The following LYPD6 variants were observed in gnomAD, a reference collection of about 807,000 sequenced individuals.
LYPD6 encodes LY6/PLAUR domain containing 6, also known as ly6/PLAUR domain-containing protein 6.
A neutral mutation model predicts 22.7 loss-of-function variants in LYPD6; 15 were observed. The ratio of observed to expected loss-of-function variants is 0.66; its 90% CI spans 0.44 to 1.02. LYPD6 has a LOEUF of 1.02. Ranked by LOEUF, LYPD6 falls within the 50% of genes least tolerant of loss-of-function variation. The probability of loss-of-function intolerance (pLI) is 0.00; values close to 1 mark genes in which losing one functional copy is unlikely to be tolerated. For missense variants in LYPD6, 189 were observed against 208.4 expected (o/e 0.91, Z 0.57); for synonymous variants, 72 against 77.5 (o/e 0.93, Z 0.37).
intron 1 of LYPD6, among the ~76,000 whole-genome samples, chr2:149,340,509 A>G (rs2377381): frequency 0.28 from 42,765 of 151,958 alleles, 6,662 homozygotes; most frequent in East Asian, 0.61. Context: ...GCTCTCCTGT[A>G]GTGTAATTCT....
intron 3 of LYPD6, among the ~76,000 whole-genome samples, chr2:149,465,215 G>A (rs1298640898): frequency 6.6e-6 from 1 of 152,132 alleles, no homozygotes; most frequent in African/African-American, 2.4e-5. Context: ...TGAAGTCTAG[G>A]ATGGAGAGTC....
chr2:149,447,940 T>C (rs1683723925), intron 2 of LYPD6, among the ~76,000 whole-genome samples: 1 of 152,006 alleles, frequency 6.6e-6, no homozygotes, highest in Admixed American at 6.6e-5. Flanking sequence ...GTTTGAGAAA[T>C]AATACAGTGA....
chr2:149,420,236 A>G (rs545403929), intron 1 of LYPD6, among the ~76,000 whole-genome samples: 2 of 152,240 alleles, frequency 1.3e-5, no homozygotes, highest in East Asian at 1.9e-4. Flanking sequence ...AAACGAGGAC[A>G]TTGAACTGCA....
chr2:149,446,178 C>A (rs997864296), intron 2 of LYPD6, among the ~76,000 whole-genome samples: 4 of 152,172 alleles, frequency 2.6e-5, no homozygotes, highest in African/African-American at 7.2e-5. Context: ...TATGTGGGTG[C>A]AGTTTGTGGT....
intron 1 of LYPD6, among the ~76,000 whole-genome samples, chr2:149,343,601 G>A (rs1036216670): frequency 2.0e-5 from 3 of 152,178 alleles, no homozygotes; most frequent in Non-Finnish European, 2.9e-5. Flanking sequence ...AGTGAAAGCT[G>A]GGGGAATATG....
At chr2:149,360,822 A>G (rs141844130) in intron 1 of LYPD6, among the ~76,000 whole-genome samples, 21 of 151,690 alleles carry the variant, frequency 1.4e-4, no homozygotes, top group Admixed American at 1.1e-3. Context: ...CCTTTTCAAC[A>G]TTTTCTTCTG....
At chr2:149,344,751 G>A (rs971152891) in intron 1 of LYPD6, among the ~76,000 whole-genome samples, 3 of 152,160 alleles carry the variant, frequency 2.0e-5, no homozygotes, top group African/African-American at 7.2e-5. Context: ...GAGTGGGTGC[G>A]GGAGTGGAGG....
the LYPD6 span, among the ~76,000 whole-genome samples, chr2:149,479,790 A>C: frequency 6.6e-6 from 1 of 151,890 alleles, no homozygotes; most frequent in Non-Finnish European, 1.5e-5. Flanking sequence ...ATTTCAATCC[A>C]TTTTTCATAG....
chr2:149,450,029 G>A (rs1683772953), intron 3 of LYPD6, among the ~76,000 whole-genome samples: 1 of 152,072 alleles, frequency 6.6e-6, no homozygotes, highest in African/African-American at 2.4e-5. Flanking sequence ...TTGGAAATTG[G>A]GAGAGCATGG....
At chr2:149,340,728 A>G (rs1294130441) in intron 1 of LYPD6, among the ~76,000 whole-genome samples, 1 of 152,192 alleles carries the variant, frequency 6.6e-6, no homozygotes, top group African/African-American at 2.4e-5. Context: ...AAAATTACCC[A>G]TTAATGCTGA....
intron 1 of LYPD6, among the ~76,000 whole-genome samples, chr2:149,403,145 G>C (rs546331743): frequency 7.2e-5 from 11 of 152,110 alleles, no homozygotes; most frequent in South Asian, 2.1e-4. Context: ...GGACATTTGG[G>C]TTGGTTCCAA....
chr2:149,416,346 G>A (rs971524157), intron 1 of LYPD6, among the ~76,000 whole-genome samples: 7 of 152,158 alleles, frequency 4.6e-5, no homozygotes, highest in Non-Finnish European at 7.4e-5. Context: ...CCCTTCAGAG[G>A]CTGGGATTGC....
Position 149,472,544 on chromosome 2 carries a change from T to C in LYPD6, c.*1694T>C, listed in dbSNP as rs151152182. On this transcript the variant is annotated 3_prime_UTR_variant, in exon 5 of 5. Transcript: ENST00000334166. The stretch of plus-strand genomic sequence containing the variant: ...TATGAACTGACAGCAGTAACTCTGA[T>C]ACAGAATAATCTAAATTGCATCAAA... 1.3e-5 allele frequency: 2 copies of C among 152,778 alleles called. No homozygotes were observed. Among genetic ancestry groups the C allele is most frequent in the East Asian group, 1.9e-4 (1 of 5,190 alleles). The allele number at this position is 152,778 out of a possible 1,614,324, so 9.5% of individuals were successfully genotyped here.
At chr2:149,400,754 G>T (rs1352656489) in intron 1 of LYPD6, among the ~76,000 whole-genome samples, 1 of 152,188 alleles carries the variant, frequency 6.6e-6, no homozygotes, top group African/African-American at 2.4e-5. Flanking sequence ...TCTAAAACTT[G>T]GGGCCTTCTC....
chr2:149,355,108 CT>C (rs1163207149), intron 1 of LYPD6, among the ~76,000 whole-genome samples: 1 of 152,134 alleles, frequency 6.6e-6, no homozygotes, highest in East Asian at 1.9e-4. Context: ...ATGGCTTAAT[CT>C]TTTCAAAGTT....
At chr2:149,485,251 A>C in the LYPD6 span, among the ~76,000 whole-genome samples, 1 of 152,226 alleles carries the variant, frequency 6.6e-6, no homozygotes. Flanking sequence ...AAAATGGTAC[A>C]TTGGTAGACT....
At chr2:149,354,978 A>C (rs1681425219) in intron 1 of LYPD6, among the ~76,000 whole-genome samples, 1 of 152,200 alleles carries the variant, frequency 6.6e-6, no homozygotes, top group Non-Finnish European at 1.5e-5. Flanking sequence ...ATGAGCATAG[A>C]GCACTTGTGG....
At chr2:149,356,884 A>G (rs1422988349) in intron 1 of LYPD6, among the ~76,000 whole-genome samples, 3 of 152,208 alleles carry the variant, frequency 2.0e-5, no homozygotes, top group Non-Finnish European at 4.4e-5. Flanking sequence ...AGATAAAGCA[A>G]TTTTGATTTT....
intron 1 of LYPD6, among the ~76,000 whole-genome samples, chr2:149,342,393 A>C (rs771109511): frequency 5.9e-5 from 9 of 152,192 alleles, no homozygotes; most frequent in Admixed American, 2.0e-4. Context: ...TATCACACAG[A>C]TTTAATTATT....
Sources: gnomAD v4.1 joint callset for allele counts (sites outside exome capture counted in the v4.1 genomes callset) on GRCh38, gnomAD v4.1.1 for gene constraint, MANE v1.5 for transcripts, NCBI Gene and HGNC (gene_info 2026-07-23, HGNC 2026-07-21) for gene names.